Variants in MAP3K13 observed in about 807,000 individuals in gnomAD.
MAP3K13 encodes mitogen-activated protein kinase kinase kinase 13.
MAP3K13 carries 52 observed loss-of-function variants against 104.0 expected under a neutral mutation model. The observed-to-expected ratio is 0.50, with a 90% confidence interval of 0.40 to 0.63. MAP3K13 has a LOEUF of 0.63. MAP3K13 is among the 20% of genes least tolerant of loss of function. MAP3K13 has a pLI of 0.00. For synonymous variants in MAP3K13, 394 were observed against 442.2 expected, an observed-to-expected ratio of 0.89 and a Z score of 1.37; for missense variants, 914 against 1,218.5, an observed-to-expected ratio of 0.75 and a Z score of 3.72.
Position 185,478,602 on chromosome 3 carries a change from T to C in MAP3K13, c.2501+1206T>C, listed in dbSNP as rs539497339. 3.7e-3 allele frequency among the ~76,000 whole-genome samples: 570 copies of C among 152,122 alleles called. 4 individuals are homozygous for C. Among genetic ancestry groups the C allele is most frequent in the African/African-American group, 0.013 (522 of 41,510 alleles). ...TAGGTCATATGGCATAAAATCTCTTTGTACTAGGCCGGGTGCTGTGGCTCA... is the reference window on the plus strand; with the variant it reads ...TAGGTCATATGGCATAAAATCTCTTCGTACTAGGCCGGGTGCTGTGGCTCA... On this transcript the variant is annotated intron_variant, in intron 12 of 13. Coordinates refer to ENST00000265026, the MANE Select transcript of MAP3K13 (RefSeq NM_004721.5).
At chr3:185,321,593 T>G (rs1463370627) in intron 2 of MAP3K13, among the ~76,000 whole-genome samples, 1 of 151,826 alleles carries the variant, frequency 6.6e-6, no homozygotes, top group Non-Finnish European at 1.5e-5. Context: ...AGTAACCGAG[T>G]TTTTTGATGT....
At chr3:185,306,342 T>A (rs565076836) in intron 2 of MAP3K13, among the ~76,000 whole-genome samples, 17 of 152,380 alleles carry the variant, frequency 1.1e-4, no homozygotes, top group Admixed American at 1.1e-3. Flanking sequence ...TTAAGTTCTT[T>A]GAGAAATCTC....
At chr3:185,306,168 T>C (rs1721283598) in intron 2 of MAP3K13, among the ~76,000 whole-genome samples, 1 of 152,232 alleles carries the variant, frequency 6.6e-6, no homozygotes, top group African/African-American at 2.4e-5. Context: ...AAATTTTCTT[T>C]ATCCAATCCA....
At chr3:185,390,383 C>A (rs1380299720) in intron 1 of MAP3K13, among the ~76,000 whole-genome samples, 3 of 152,140 alleles carry the variant, frequency 2.0e-5, no homozygotes, top group Non-Finnish European at 4.4e-5. Flanking sequence ...GACTGTCTGG[C>A]TTCAGGGTCC....
intron 1 of MAP3K13, among the ~76,000 whole-genome samples, chr3:185,364,043 A>G (rs1330109054): frequency 6.6e-6 from 1 of 152,212 alleles, no homozygotes; most frequent in African/African-American, 2.4e-5. Context: ...TGGGTTTTTC[A>G]ATATCCTCTA....
chr3:185,374,026 G>C (rs1647447159), intron 1 of MAP3K13, among the ~76,000 whole-genome samples: 1 of 140,694 alleles, frequency 7.1e-6, no homozygotes, highest in African/African-American at 2.6e-5. Context: ...CAAAGGTGGG[G>C]AGATTACAAA....
At chr3:185,312,312 C>T (rs1035253602) in intron 2 of MAP3K13, among the ~76,000 whole-genome samples, 4 of 152,228 alleles carry the variant, frequency 2.6e-5, no homozygotes, top group South Asian at 4.1e-4. Flanking sequence ...GATAGAAGCT[C>T]GGATATCAGT....
At chr3:185,341,496 C>G (rs1327389074) in intron 2 of MAP3K13, among the ~76,000 whole-genome samples, 1 of 152,182 alleles carries the variant, frequency 6.6e-6, no homozygotes, top group South Asian at 2.1e-4. Flanking sequence ...TTTAAGCCAC[C>G]AGTTTGTGAT....
At chr3:185,413,190 C>T (rs773926537) in intron 1 of MAP3K13, among the ~76,000 whole-genome samples, 7 of 152,186 alleles carry the variant, frequency 4.6e-5, no homozygotes, top group Non-Finnish European at 1.0e-4. Flanking sequence ...GCAAACCTGT[C>T]ATATTAAAGA....
chr3:185,313,368 C>T (rs1461673994), intron 2 of MAP3K13, among the ~76,000 whole-genome samples: 1 of 147,666 alleles, frequency 6.8e-6, no homozygotes, highest in African/African-American at 2.5e-5. Context: ...CTCCTGGGTT[C>T]AAGCGATTCT....
Position 185,418,479 on chromosome 3 carries a change from T to C in MAP3K13, c.-85-10018T>C. 2 of 1,611,786 alleles carry C rather than the reference T, an allele frequency of 1.2e-6. No individual in the cohort carries two copies. Among genetic ancestry groups the C allele is most frequent in the Middle Eastern group, 2.3e-4 (1 of 4,438 alleles). On this transcript the variant is annotated intron_variant, in intron 1 of 13. Coordinates refer to ENST00000265026, the MANE Select transcript of MAP3K13 (RefSeq NM_004721.5). This position sits in a 1 kb window ranked among gnomAD's most constrained non-coding sequence, Gnocchi z 4.5. ...GCCAGGTTTTGGTTGGTGCAAACCT[T>C]CGGCCTCCACGACACATGTTTCCAA... is the stretch of plus-strand genomic sequence containing the variant.
At chr3:185,329,588 T>C (rs1000687583) in intron 2 of MAP3K13, among the ~76,000 whole-genome samples, 15 of 152,360 alleles carry the variant, frequency 9.8e-5, no homozygotes, top group African/African-American at 3.4e-4. Flanking sequence ...TTCTTAAGAT[T>C]TGACATCTGT....
rs1028665627 is a variant in MAP3K13 at position 185,315,931 on chromosome 3, A to G, written c.-86+30288A>G. Among the ~76,000 whole-genome samples, 1 of 152,198 alleles carries G rather than the reference A, an allele frequency of 6.6e-6. No individual in the cohort carries two copies. Among genetic ancestry groups the G allele is most frequent in the Non-Finnish European group, 1.5e-5 (1 of 68,040 alleles). ...GGAGATATTAATTTATGAGTCATTA[A>G]GGTATAGAAGATCAATTAGAGAAAG... On this transcript the variant is annotated intron_variant, in intron 2 of 14. Transcript: ENST00000424227. The surrounding 1 kb of genome is among the most constrained non-coding windows in gnomAD (Gnocchi z 4.3).
intron 2 of MAP3K13, among the ~76,000 whole-genome samples, chr3:185,327,312 C>G (rs1456281581): frequency 6.6e-6 from 1 of 152,170 alleles, no homozygotes; most frequent in Non-Finnish European, 1.5e-5. Context: ...GATAATCTCC[C>G]CATTTCAAAG....
At chr3:185,373,852 C>G (rs1359560448) in intron 1 of MAP3K13, among the ~76,000 whole-genome samples, 3 of 127,254 alleles carry the variant, frequency 2.4e-5, no homozygotes, top group East Asian at 2.3e-4. Context: ...TTTTTTTGAG[C>G]AACAGCGGCT....
intron 2 of MAP3K13, among the ~76,000 whole-genome samples, chr3:185,321,601 T>TG (rs1333464052): frequency 4.0e-5 from 6 of 149,634 alleles, no homozygotes; most frequent in Admixed American, 1.3e-4. Flanking sequence ...AGTTTTTTGA[T>TG]GTTTGTTTGT....
At chr3:185,480,635 T>A in intron 13 of MAP3K13, 106 bp downstream of exon 13, 2 of 1,155,638 alleles carry the variant, frequency 1.7e-6, no homozygotes, top group Non-Finnish European at 2.4e-6. Flanking sequence ...GATACAACAG[T>A]GGCCTTGTAT....
chr3:185,337,128 C>T (rs1166878620), intron 2 of MAP3K13, among the ~76,000 whole-genome samples: 1 of 152,132 alleles, frequency 6.6e-6, no homozygotes, highest in Non-Finnish European at 1.5e-5. Flanking sequence ...TGGTCTTGAA[C>T]TCCTGAGCTC....
intron 2 of MAP3K13, among the ~76,000 whole-genome samples, chr3:185,289,840 A>G (rs1247200648): frequency 6.6e-6 from 1 of 152,174 alleles, no homozygotes; most frequent in Admixed American, 6.5e-5. Flanking sequence ...TTTTAGAAAG[A>G]TCTCTTCAGT....
Sources: gnomAD v4.1 joint callset for allele counts (sites outside exome capture counted in the v4.1 genomes callset) on GRCh38, gnomAD v4.1.1 for gene constraint, Gnocchi (gnomAD v3.1) non-coding constraint, MANE v1.5 for transcripts, NCBI Gene and HGNC (gene_info 2026-07-23, HGNC 2026-07-21) for gene names.